TPST1: variants seen among roughly 807,000 people sequenced by gnomAD.
TPST1 encodes tyrosylprotein sulfotransferase 1, also known as protein-tyrosine sulfotransferase 1.
Under a neutral mutation model 34.8 loss-of-function variants are expected in TPST1, and 20 were observed. The ratio of observed to expected loss-of-function variants is 0.57; its 90% confidence interval spans 0.40 to 0.84. The LOEUF is 0.84. Among genes scored for constraint, TPST1 ranks in the 40% least tolerant of loss-of-function variants. The pLI, the probability that TPST1 is intolerant of heterozygous loss-of-function variation, is 0.00. For missense variants in TPST1, 353 were observed against 455.5 expected, an observed-to-expected ratio of 0.78 and a Z score of 2.05; for synonymous variants, 152 against 159.4, an observed-to-expected ratio of 0.95 and a Z score of 0.35.
intron 3 of TPST1, among the ~76,000 whole-genome samples, chr7:66,343,419 A>T (rs1294384735): frequency 6.6e-6 from 1 of 152,242 alleles, no homozygotes; most frequent in South Asian, 2.1e-4. Context: ...GGAGAGAGGG[A>T]GGGGAGAAAG....
intron 1 of TPST1, among the ~76,000 whole-genome samples, chr7:66,214,433 A>G (rs1789343828): frequency 6.6e-6 from 1 of 151,542 alleles, no homozygotes; most frequent in African/African-American, 2.4e-5. Flanking sequence ...TTATTTATAA[A>G]TAGTGAGCTG....
At chr7:66,281,369 T>A (rs904982388) in intron 2 of TPST1, among the ~76,000 whole-genome samples, 8 of 152,226 alleles carry the variant, frequency 5.3e-5, no homozygotes, top group African/African-American at 1.9e-4. Flanking sequence ...GAGTCCCTCT[T>A]CCTGAATTTT....
chr7:66,308,144 G>A (rs998075215), intron 3 of TPST1, among the ~76,000 whole-genome samples: 1 of 152,134 alleles, frequency 6.6e-6, no homozygotes, highest in Admixed American at 6.5e-5. Flanking sequence ...CAGCCTAAGC[G>A]ACTTGGGCAA....
rs571286713 is a variant in TPST1, at chr7:66,228,879, C to T, written c.-101-11446C>T. ...TCTTCCTCCTTCCCCCAGTGTTTCC[C>T]CTCAAATCTCTTGTGATTAAAAAAA... is the stretch of plus-strand genomic sequence containing the variant. On this transcript the variant is annotated intron_variant, in intron 1 of 5. Transcript: ENST00000304842. 1.2e-4 allele frequency among the ~76,000 whole-genome samples: 18 copies of T among 152,144 alleles called. No homozygotes were observed. The East Asian group carries it at 3.1e-3, about 26-fold the overall frequency.
At chr7:66,328,857 C>CCG (rs1562847063) in intron 3 of TPST1, among the ~76,000 whole-genome samples, 30 of 63,804 alleles carry the variant, frequency 4.7e-4, no homozygotes, top group Non-Finnish European at 1.3e-4. Flanking sequence ...TCTCTCTCTC[C>CCG]CGCTCTCTCT....
intron 3 of TPST1, among the ~76,000 whole-genome samples, chr7:66,301,127 T>G (rs1340267725): frequency 6.6e-6 from 1 of 152,190 alleles, no homozygotes; most frequent in Non-Finnish European, 1.5e-5. Context: ...GTGAGAAATC[T>G]TTTTTCCTAA....
chr7:66,235,800 A>G (rs1202665542), intron 1 of TPST1, among the ~76,000 whole-genome samples: 1 of 152,130 alleles, frequency 6.6e-6, no homozygotes, highest in Non-Finnish European at 1.5e-5. Flanking sequence ...TGTAAGAAGT[A>G]CATTGGTTCC....
At chr7:66,248,585 C>CCT (rs1016875717) in intron 2 of TPST1, among the ~76,000 whole-genome samples, 1 of 144,396 alleles carries the variant, frequency 6.9e-6, no homozygotes, top group Non-Finnish European at 1.5e-5. Context: ...CTCACTGCAA[C>CCT]CTCTGCCTCA....
chr7:66,298,174 A>G (rs1791240610), intron 3 of TPST1, among the ~76,000 whole-genome samples: 1 of 152,226 alleles, frequency 6.6e-6, no homozygotes, highest in African/African-American at 2.4e-5. Context: ...AGTTCTGTAA[A>G]TATCAGTGAG....
At chr7:66,251,261 T>C (rs1330934046) in intron 2 of TPST1, among the ~76,000 whole-genome samples, 1 of 152,182 alleles carries the variant, frequency 6.6e-6, no homozygotes, top group Non-Finnish European at 1.5e-5. Context: ...ATAATAAGGA[T>C]GATAATAATA....
intron 2 of TPST1, among the ~76,000 whole-genome samples, chr7:66,243,662 G>A (rs1252208166): frequency 7.4e-6 from 1 of 135,466 alleles, no homozygotes; most frequent in Non-Finnish European, 1.5e-5. Flanking sequence ...TGGCCAGACT[G>A]GTCTCAAACT....
chr7:66,350,466 G>A (rs984935526), intron 3 of TPST1, among the ~76,000 whole-genome samples: 2 of 152,004 alleles, frequency 1.3e-5, no homozygotes, highest in African/African-American at 2.4e-5. Context: ...GCACCTCCAC[G>A]GAAATACCTT....
intron 3 of TPST1, among the ~76,000 whole-genome samples, chr7:66,294,700 A>C (rs974349595): frequency 1.3e-5 from 2 of 151,910 alleles, no homozygotes; most frequent in African/African-American, 4.8e-5. Flanking sequence ...TAATGTTCCC[A>C]CCTAGACACA....
At chr7:66,244,200 G>C (rs1790101053) in intron 2 of TPST1, among the ~76,000 whole-genome samples, 1 of 151,842 alleles carries the variant, frequency 6.6e-6, no homozygotes, top group African/African-American at 2.4e-5. Context: ...TGATCTGCCT[G>C]CCTCGGCCTC....
At chr7:66,305,042 C>A (rs1454549548) in intron 3 of TPST1, among the ~76,000 whole-genome samples, 2 of 152,110 alleles carry the variant, frequency 1.3e-5, no homozygotes, top group Non-Finnish European at 2.9e-5. Flanking sequence ...TGCTCTTGAA[C>A]TCCTGGCCTC....
intron 3 of TPST1, among the ~76,000 whole-genome samples, chr7:66,338,288 A>G (rs1192214747): frequency 6.6e-6 from 1 of 152,210 alleles, no homozygotes; most frequent in Non-Finnish European, 1.5e-5. Context: ...GGATATAACA[A>G]TGGTAAATAT....
rs1461503963 is a variant in TPST1, at chr7:66,286,513, T to A, written c.848T>A (p.Val283Glu). 1 of 1,579,484 alleles carries A rather than the reference T, an allele frequency of 6.3e-7. No homozygotes were observed. Among genetic ancestry groups the A allele is most frequent in the Non-Finnish European group, 8.6e-7 (1 of 1,161,962 alleles). The change falls in exon 3 of 6, where the codon GTG (valine) becomes GAG (glutamate). Residue 283 changes from valine to glutamate, a missense_variant and splice_region_variant. Physicochemically the swap from Val to Glu is moderately radical, Grantham distance 121 (BLOSUM62 -2). Coordinates refer to ENST00000304842, the MANE Select transcript of TPST1 (RefSeq NM_003596.4). ...GKAGGVSLSK[V>E]ERSTDQVIKP... The stretch of plus-strand genomic sequence containing the variant: ...TATTCATATTATGTTGTTTTCAGAG[T>A]GGAGAGATCTACAGACCAAGTAATC...
chr7:66,357,117 T>G (rs1358219266), intron 5 of TPST1, among the ~76,000 whole-genome samples: 3 of 152,260 alleles, frequency 2.0e-5, no homozygotes, highest in African/African-American at 7.2e-5. Context: ...TCCAAGAGCC[T>G]GGCTCATAAT....
At chr7:66,358,139 G>A (rs767361814) in intron 5 of TPST1, among the ~76,000 whole-genome samples, 16 of 151,900 alleles carry the variant, frequency 1.1e-4, no homozygotes, top group Non-Finnish European at 2.2e-4. Context: ...CCAGCTACTC[G>A]GGAGGCTGAA....
Sources: allele counts gnomAD v4.1 joint callset (sites outside exome capture counted in the v4.1 genomes callset), GRCh38; gene constraint gnomAD v4.1.1; transcripts MANE v1.5; gene names NCBI Gene and HGNC (gene_info 2026-07-23, HGNC 2026-07-21).